NAV2: variants seen among roughly 807,000 people sequenced by gnomAD.
The protein encoded by NAV2 is neuron navigator 2, also known as helicase, APC down-regulated 1.
NAV2 carries 54 observed loss-of-function variants against 223.2 expected under a neutral mutation model. That is an observed-to-expected ratio of 0.24 (90% CI 0.19 to 0.30). The LOEUF (loss-of-function observed/expected upper bound fraction) is 0.30. Ranked by LOEUF, NAV2 falls within the 10% of genes least tolerant of loss-of-function variation. NAV2 has a pLI of 1.00. For missense variants in NAV2, 2,806 were observed against 3,147.5 expected, an observed-to-expected ratio of 0.89 and a Z score of 2.60; for synonymous variants, 1,279 against 1,239.3, an observed-to-expected ratio of 1.03 and a Z score of -0.67.
chr11:19,629,176 C>G (rs913573876), intron 1 of NAV2, among the ~76,000 whole-genome samples: 1 of 152,080 alleles, frequency 6.6e-6, no homozygotes, highest in Admixed American at 6.6e-5. Context: ...ATCTCTCTCT[C>G]CCACCATTTC....
intron 1 of NAV2, among the ~76,000 whole-genome samples, chr11:19,438,561 C>T (rs1001913267): frequency 6.6e-6 from 1 of 152,180 alleles, no homozygotes; most frequent in African/African-American, 2.4e-5. Context: ...CCAACCATTC[C>T]AACAATTCCA....
chr11:19,835,049 G>T (rs1441063603), intron 2 of NAV2, among the ~76,000 whole-genome samples: 1 of 152,248 alleles, frequency 6.6e-6, no homozygotes, highest in African/African-American at 2.4e-5. Context: ...GGGCTCAGAA[G>T]AGGCAAATGG....
intron 1 of NAV2, among the ~76,000 whole-genome samples, chr11:19,521,091 C>T (rs1156579513): frequency 2.0e-5 from 3 of 152,000 alleles, no homozygotes; most frequent in South Asian, 2.1e-4. Flanking sequence ...GGCCATGAGG[C>T]GGGGCGTGGT....
chr11:19,835,179 A>G (rs2060163388), intron 2 of NAV2, among the ~76,000 whole-genome samples: 1 of 152,240 alleles, frequency 6.6e-6, no homozygotes, highest in South Asian at 2.1e-4. Context: ...TTCCCTAGAC[A>G]GTGGCATCTT....
chr11:19,776,666 G>T (rs2056229340), intron 1 of NAV2, among the ~76,000 whole-genome samples: 2 of 150,240 alleles, frequency 1.3e-5, no homozygotes, highest in South Asian at 4.2e-4. Flanking sequence ...GTGTGTGTGT[G>T]TGTGTGTGTG....
chr11:19,673,372 TATC>T (rs1327755867), intron 1 of NAV2, among the ~76,000 whole-genome samples: 19 of 152,218 alleles, frequency 1.2e-4, no homozygotes, highest in Non-Finnish European at 1.2e-4. Flanking sequence ...ATCCTATTAT[TATC>T]ATCATTTGAC....
chr11:19,567,643 G>A (rs1160431726), intron 1 of NAV2, among the ~76,000 whole-genome samples: 1 of 152,092 alleles, frequency 6.6e-6, no homozygotes, highest in Non-Finnish European at 1.5e-5. Context: ...CCCAGCCTTG[G>A]CCCTCAGACA....
intron 1 of NAV2, among the ~76,000 whole-genome samples, chr11:19,821,002 C>T (rs1237569717): frequency 6.6e-6 from 1 of 152,210 alleles, no homozygotes; most frequent in East Asian, 1.9e-4. Flanking sequence ...GTGGCTCACG[C>T]CTGTAATCCC....
chr11:19,461,265 T>G (rs2133861424), intron 1 of NAV2, among the ~76,000 whole-genome samples: 1 of 152,230 alleles, frequency 6.6e-6, no homozygotes, highest in South Asian at 2.1e-4. Context: ...CCGCCTCCCC[T>G]CTCCCTGGTC....
At chr11:20,045,794 T>C (rs2057369165) in intron 14 of NAV2, 124 bp downstream of exon 14, 2 of 824,750 alleles carry the variant, frequency 2.4e-6, no homozygotes, top group Middle Eastern at 3.5e-4. Flanking sequence ...TAAAGCTGTT[T>C]TGTCAGATCA....
In NAV2 at chr11:19,603,771, T is replaced by C. The variant is rs533814774; in HGVS notation, c.76-228713T>C. Among the ~76,000 whole-genome samples the C allele has an allele frequency of 2.5e-4, 38 of 151,924 alleles. 1 individual carries two copies. The highest frequency in any genetic ancestry group is 7.5e-4 in the African/African-American group (31 of 41,412). On this transcript the variant is annotated intron_variant, in intron 1 of 37. Transcript: ENST00000360655. ...AGGAACAAAGATGTATAACATTAAC[T>C]GGTAATAAGAACTCAAAAGGAAAAT...
intron 1 of NAV2, among the ~76,000 whole-genome samples, chr11:19,539,597 A>G (rs2044285052): frequency 6.6e-6 from 1 of 152,216 alleles, no homozygotes; most frequent in South Asian, 2.1e-4. Flanking sequence ...TGTGCAAAAG[A>G]GTCCAAATGT....
At chr11:19,357,701 A>G (rs1364771920) in intron 1 of NAV2, among the ~76,000 whole-genome samples, 1 of 152,224 alleles carries the variant, frequency 6.6e-6, no homozygotes, top group African/African-American at 2.4e-5. Context: ...TGTTATGCAC[A>G]TCTTTCTAAA....
In NAV2 at chr11:19,948,759, C is replaced by A; in HGVS notation, c.2324C>A (p.Thr775Lys). 6.2e-7 allele frequency: 1 copy of A among 1,612,310 alleles called. No individual in the cohort carries two copies. The highest frequency in any genetic ancestry group is 8.5e-7 in the Non-Finnish European group (1 of 1,178,764). The change falls in exon 10 of 38, where the codon ACA becomes AAA. Residue 775 changes from threonine to lysine, a missense_variant. By Grantham distance (78) the Thr-to-Lys change is moderately conservative (BLOSUM62 -1). Around this residue, in one of 4 missense-constraint regions of NAV2, gnomAD observed 1,167 missense variants for 1,180.5 expected, o/e 0.99. Transcript: ENST00000349880. ...EMSGRSILSL[T>K]GRPTPLSWRL... ...AGTGGCCGTAGCATACTCAGCTTGA[C>A]AGGGAGGCCCACACCTCTGTCCTGG...
At position 20,044,093 on chromosome 11, in the gene NAV2, A is replaced by G. The variant is rs1343616590; in HGVS notation, c.3020A>G (p.Lys1007Arg). ...GGCATAAAAATGGAGCCAGGTTCCA[A>G]GTGGAGGCGGAATCCTTCTGATGTG... is the stretch of plus-strand genomic sequence containing the variant. ...DSGIKMEPGSKWRRNPSDVSD... is the reference protein window; with the variant it reads ...DSGIKMEPGSRWRRNPSDVSD... The change falls in exon 13 of 38, where the codon AAG becomes AGG. Residue 1007 changes from lysine to arginine, a missense_variant. Around this residue, in one of 4 missense-constraint regions of NAV2, gnomAD observed 742 missense variants for 777.9 expected, o/e 0.95. Coordinates refer to ENST00000349880, the MANE Select transcript of NAV2 (RefSeq NM_145117.5). The G allele has an allele frequency of 1.2e-6, 2 of 1,614,088 alleles. No individual in the cohort carries two copies. Among genetic ancestry groups the G allele is most frequent in the East Asian group, 2.2e-5 (1 of 44,882 alleles).
rs139395484 is a variant in NAV2 at position 19,554,757 on chromosome 11, G to A, written c.75+203730G>A. Among the ~76,000 whole-genome samples, 28 of 151,980 alleles carry A rather than the reference G, an allele frequency of 1.8e-4. No individual in the cohort carries two copies. The East Asian group carries it at 3.9e-3, about 21-fold the overall frequency. ...CGAGGCGGGCAGATCACCTGAGGTC[G>A]GGAGTTCGAGACCAGCCTGACCAAC... On this transcript the variant is annotated intron_variant, in intron 1 of 37. Coordinates refer to the NAV2 transcript ENST00000360655.
intron 11 of NAV2, among the ~76,000 whole-genome samples, chr11:19,995,314 C>T (rs1207347976): frequency 1.3e-5 from 2 of 152,150 alleles, no homozygotes; most frequent in East Asian, 1.9e-4. Flanking sequence ...TTGTCTCTGA[C>T]GGTGATGATG....
chr11:19,528,763 C>G (rs1212981110), intron 1 of NAV2, among the ~76,000 whole-genome samples: 1 of 151,988 alleles, frequency 6.6e-6, no homozygotes, highest in Non-Finnish European at 1.5e-5. Flanking sequence ...AACCCTGTCT[C>G]TACTAAAAAT....
the NAV2 span, among the ~76,000 whole-genome samples, chr11:19,345,685 C>G: frequency 6.6e-6 from 1 of 152,248 alleles, no homozygotes; most frequent in African/African-American, 2.4e-5. The surrounding 1 kb of genome is among the most constrained non-coding windows in gnomAD (Gnocchi z 5.2). Flanking sequence ...CGGGGCTGGG[C>G]GCCCGGCGCA....
Sources: allele counts gnomAD v4.1 joint callset (sites outside exome capture counted in the v4.1 genomes callset), GRCh38; gene constraint gnomAD v4.1.1; regional missense constraint gnomAD v4.1.1; non-coding constraint Gnocchi (gnomAD v3.1); transcripts MANE v1.5; gene names NCBI Gene and HGNC (gene_info 2026-07-23, HGNC 2026-07-21).